RPL26L1: variants seen among roughly 807,000 people sequenced by gnomAD.
The protein encoded by RPL26L1 is ribosomal protein L26 like 1, also known as ribosomal protein uL24-like.
RPL26L1 carries 8 observed loss-of-function variants against 15.2 expected under a neutral mutation model. The observed-to-expected ratio is 0.53, with a 90% CI of 0.31 to 0.95. RPL26L1 has a LOEUF of 0.95. Among genes scored for constraint, RPL26L1 ranks in the 40% least tolerant of loss-of-function variants. RPL26L1 has a pLI of 0.05. For synonymous variants in RPL26L1, 51 were observed against 65.9 expected, an observed-to-expected ratio of 0.77 and a Z score of 1.09; for missense variants, 146 against 190.9, an observed-to-expected ratio of 0.76 and a Z score of 1.39.
At chr5:172,955,092 G>A (rs1285713043), upstream of RPL26L1, 1 of 453,744 alleles carries the variant, frequency 2.2e-6, no homozygotes. Flanking sequence ...AAGAAATGGG[G>A]TGTGGCACTA....
rs199816101 is a variant in RPL26L1 at position 172,968,567 on chromosome 5, A to G, written c.277A>G (p.Thr93Ala). The change falls in exon 3 of 4, where the codon ACA (threonine) becomes GCA (alanine). Residue 93 changes from threonine to alanine, a missense_variant. Physicochemically the swap from Thr to Ala is moderately conservative, Grantham distance 58. Transcript: ENST00000265100. ...ERVQREKANG[T>A]TVHVGIHPSK... ...GGTGCAGCGTGAGAAGGCCAACGGCACAACTGTCCACGTGGGCATTCACCC... is the reference window on the plus strand; with the variant it reads ...GGTGCAGCGTGAGAAGGCCAACGGCGCAACTGTCCACGTGGGCATTCACCC... 6.2e-7 allele frequency: 1 copy of G among 1,614,128 alleles called. No individual in the cohort carries two copies. The highest frequency in any genetic ancestry group is 2.2e-5 in the East Asian group (1 of 44,876).
chr5:172,969,621 T>A lies in RPL26L1; in HGVS notation c.*80T>A, dbSNP rs1407441703. ...TTTCTTTCGAACTTTTCGGAATGTC[T>A]GGAACATTTCATTTCCTGTTTTGTT... On this transcript the variant is annotated 3_prime_UTR_variant, in exon 4 of 4. Coordinates refer to ENST00000265100, the MANE Select transcript of RPL26L1 (RefSeq NM_016093.4). The A allele has an allele frequency of 7.2e-7, 1 of 1,386,284 alleles. No individual in the cohort carries two copies. The highest frequency in any genetic ancestry group is 1.5e-5 in the African/African-American group (1 of 68,898). The allele number at this position is 1,386,284 out of a possible 1,614,324, so 85.9% of individuals were successfully genotyped here. A position where few individuals can be genotyped will look rare whatever the true frequency, so the allele number is the denominator to read the frequency against.
At chr5:172,958,901 C>CGGCCGCCGTTTA (rs1379761089), upstream of RPL26L1, 2 of 154,466 alleles carry the variant, frequency 1.3e-5, no homozygotes, top group African/African-American at 4.8e-5. Context: ...GGCACGCCGC[C>CGGCCGCCGTTTA]GGCCGCCGTT....
At chr5:172,954,849 G>T (rs752192891), upstream of RPL26L1, 1 of 433,530 alleles carries the variant, frequency 2.3e-6, no homozygotes. Context: ...CTAACCAGAT[G>T]TGGATTACAG....
chr5:172,958,443 G>A, upstream of RPL26L1: 1 of 456,252 alleles, frequency 2.2e-6, no homozygotes, highest in Non-Finnish European at 4.4e-6. Context: ...TTGGCACTAA[G>A]TTGTCGTTCA....
At chr5:172,957,902 G>A (rs1755031039), upstream of RPL26L1, 1 of 176,630 alleles carries the variant, frequency 5.7e-6, no homozygotes, top group South Asian at 1.1e-4. Context: ...CCAGGCTTCT[G>A]CAAATAGCCC....
At chr5:172,957,160 C>G (rs1193019384), upstream of RPL26L1, 8 of 456,030 alleles carry the variant, frequency 1.8e-5, no homozygotes, top group Admixed American at 9.4e-5. Flanking sequence ...TCACCAGACA[C>G]TTCCTCTGTG....
intron 2 of RPL26L1, among the ~76,000 whole-genome samples, chr5:172,962,197 A>C (rs1487413509): frequency 6.6e-6 from 1 of 152,142 alleles, no homozygotes; most frequent in African/African-American, 2.4e-5. Context: ...ATTATTTGCA[A>C]ATCAGGTCCT....
upstream of RPL26L1, chr5:172,955,815 G>A (rs1325774737): frequency 6.6e-6 from 1 of 152,244 alleles, no homozygotes; most frequent in Non-Finnish European, 1.5e-5. Flanking sequence ...AGGAAACAGA[G>A]AGACCTCGTA....
At chr5:172,965,028 A>G (rs1390699473) in intron 2 of RPL26L1, among the ~76,000 whole-genome samples, 1 of 152,230 alleles carries the variant, frequency 6.6e-6, no homozygotes, top group East Asian at 1.9e-4. Context: ...CACTAAAAAT[A>G]TAAAGATTAG....
rs762760998 is a variant in RPL26L1 at position 172,959,937 on chromosome 5, C to T, written c.64C>T (p.Pro22Ser). 1.2e-6 allele frequency: 2 copies of T among 1,614,162 alleles called. No individual in the cohort carries two copies. Among genetic ancestry groups the T allele is most frequent in the South Asian group, 1.1e-5 (1 of 91,082 alleles). The part of the protein sequence containing the change: ...SKNRKRHFNA[P>S]SHVRRKIMSS... ...AAACCGCAAACGTCACTTCAATGCC[C>T]CCTCACACGTGCGCAGGAAGATCAT... The change falls in exon 2 of 4, where the codon CCC becomes TCC. Residue 22 changes from proline to serine, a missense_variant. By Grantham distance (74) the Pro-to-Ser change is moderately conservative (BLOSUM62 -1). Transcript: ENST00000265100.
At chr5:172,954,284 G>A (rs1764302412), upstream of RPL26L1, among the ~76,000 whole-genome samples, 1 of 152,116 alleles carries the variant, frequency 6.6e-6, no homozygotes, top group Non-Finnish European at 1.5e-5. Context: ...TAAAAGATTT[G>A]GGAGGCCGGA....
At chr5:172,957,786 G>A (rs1235548630), upstream of RPL26L1, 1 of 165,898 alleles carries the variant, frequency 6.0e-6, no homozygotes, top group African/African-American at 2.4e-5. Context: ...TCCTTTCTTA[G>A]GACTGCCCCC....
At chr5:172,968,344 T>A in intron 2 of RPL26L1, 115 bp from the exon 3 acceptor site, 9 of 1,354,196 alleles carry the variant, frequency 6.6e-6, no homozygotes, top group Non-Finnish European at 9.1e-6. Flanking sequence ...ACTGCCAGGA[T>A]TAAGCTGCTT....
At chr5:172,967,608 A>G (rs1246841549) in intron 2 of RPL26L1, among the ~76,000 whole-genome samples, 1 of 152,120 alleles carries the variant, frequency 6.6e-6, no homozygotes, top group East Asian at 1.9e-4. Flanking sequence ...ATTTGTATTA[A>G]ATGTAGAAAT....
upstream of RPL26L1, chr5:172,956,061 G>A (rs1754965830): frequency 6.6e-6 from 1 of 152,020 alleles, no homozygotes; most frequent in Admixed American, 6.6e-5. Flanking sequence ...ACATTCGCAG[G>A]GACAGCGTTC....
intron 2 of RPL26L1, among the ~76,000 whole-genome samples, chr5:172,963,384 A>C (rs1345271864): frequency 6.6e-6 from 1 of 152,166 alleles, no homozygotes; most frequent in Non-Finnish European, 1.5e-5. Flanking sequence ...AAAAAAAAAA[A>C]AAAAAATCTA....
intron 2 of RPL26L1, among the ~76,000 whole-genome samples, chr5:172,968,045 C>T (rs1755536669): frequency 6.6e-6 from 1 of 151,976 alleles, no homozygotes; most frequent in South Asian, 2.1e-4. Flanking sequence ...TTCTTTGGAG[C>T]TTTTGGGATT....
rs764483779 is a variant in RPL26L1, at chr5:172,969,404, T to C, written c.310-9T>C. Reference sequence around the variant, plus strand: ...CAGAAATAAAGACCTGTTTTCTCACTCCCAACAGGTGGTTATCACCAGGCT... The same window carrying C: ...CAGAAATAAAGACCTGTTTTCTCACCCCCAACAGGTGGTTATCACCAGGCT... On this transcript the variant is annotated splice_polypyrimidine_tract_variant and intron_variant, in intron 3 of 3. Coordinates refer to ENST00000265100, the MANE Select transcript of RPL26L1 (RefSeq NM_016093.4). 8 of 1,612,388 alleles carry C rather than the reference T, an allele frequency of 5.0e-6. No individual in the cohort carries two copies. In the Admixed American group the frequency reaches 1.3e-4, roughly 27 times the overall value.
Sources: gnomAD v4.1 joint callset for allele counts (sites outside exome capture counted in the v4.1 genomes callset) on GRCh38, gnomAD v4.1.1 for gene constraint, MANE v1.5 for transcripts, NCBI Gene and HGNC (gene_info 2026-07-23, HGNC 2026-07-21) for gene names.